Variants in DNAI4 observed in about 807,000 individuals in gnomAD.
DNAI4 encodes the protein dynein axonemal intermediate chain 4.
In DNAI4, 85 loss-of-function variants were observed where a neutral mutation model predicts 105.8. That is an observed-to-expected ratio of 0.80 (90% CI 0.67 to 0.96). The LOEUF is 0.96. Ranked by LOEUF, DNAI4 falls within the 40% of genes least tolerant of loss-of-function variation. The probability of loss-of-function intolerance (pLI) is 0.00; values close to 1 mark genes in which losing one functional copy is unlikely to be tolerated. For missense variants in DNAI4, 1,014 were observed against 1,005.6 expected, an observed-to-expected ratio of 1.01 and a Z score of -0.11; for synonymous variants, 352 against 331.5, an observed-to-expected ratio of 1.06 and a Z score of -0.67.
chr1:66,820,671 G>T (rs1290044733), intron 16 of DNAI4, among the ~76,000 whole-genome samples: 1 of 152,122 alleles, frequency 6.6e-6, no homozygotes, highest in Non-Finnish European at 1.5e-5. Flanking sequence ...GAATGTGAAA[G>T]ATAGTAGAGG....
rs1466939429 is a variant in DNAI4 at position 66,892,961 on chromosome 1, G to GAAAGAA, written c.530+262_530+267dup. On this transcript the variant is annotated intron_variant, in intron 3 of 16. Coordinates refer to ENST00000371026, the MANE Select transcript of DNAI4 (RefSeq NM_024763.5). ...AAAGAGAAGAAAGAGAAGAAAGAAA[G>GAAAGAA]AAAGAAAGAAAGAAAGAAAGAAAGA... Among the ~76,000 whole-genome samples, 178 of 116,920 alleles carry GAAAGAA rather than the reference G, an allele frequency of 1.5e-3. 7 individuals are homozygous for GAAAGAA. Among genetic ancestry groups the GAAAGAA allele is most frequent in the African/African-American group, 6.7e-3 (174 of 26,032 alleles). The allele number at this position is 116,920 out of a possible 152,430, so 76.7% of individuals were successfully genotyped here. A position where few individuals can be genotyped will look rare whatever the true frequency, so the allele number is the denominator to read the frequency against.
intron 3 of DNAI4, 146 bp downstream of exon 3, chr1:66,893,083 A>AAG: frequency 5.1e-6 from 2 of 392,196 alleles, no homozygotes; most frequent in East Asian, 3.7e-5. Flanking sequence ...GAAAGAAAGA[A>AAG]AGAAAGAAAG....
intron 7 of DNAI4, 104 bp from the exon 8 acceptor site, chr1:66,847,782 C>T (rs1301104373): frequency 3.1e-6 from 3 of 971,240 alleles, no homozygotes; most frequent in Non-Finnish European, 4.5e-6. Context: ...TTATTTTCCT[C>T]CAGTTTCCAA....
At chr1:66,857,459 C>T (rs1646526273) in intron 7 of DNAI4, among the ~76,000 whole-genome samples, 1 of 150,624 alleles carries the variant, frequency 6.6e-6, no homozygotes, top group African/African-American at 2.4e-5. Flanking sequence ...ACGTTGTGCA[C>T]ATGTGCCCTA....
intron 2 of DNAI4, among the ~76,000 whole-genome samples, chr1:66,895,555 T>C (rs1298929043): frequency 6.6e-6 from 1 of 152,214 alleles, no homozygotes; most frequent in African/African-American, 2.4e-5. Flanking sequence ...TTCAACGTTT[T>C]CTTTCTTCCT....
chr1:66,846,228 T>C (rs1416394629), intron 8 of DNAI4, among the ~76,000 whole-genome samples: 5 of 152,144 alleles, frequency 3.3e-5, no homozygotes, highest in African/African-American at 1.2e-4. Context: ...ATAAAAATCT[T>C]TAAATATCAA....
At chr1:66,824,308 T>C (rs1645701637) in intron 15 of DNAI4, among the ~76,000 whole-genome samples, 1 of 149,138 alleles carries the variant, frequency 6.7e-6, no homozygotes, top group South Asian at 2.2e-4. Flanking sequence ...TTTTGGTTAC[T>C]GTAGCCTTGT....
intron 10 of DNAI4, among the ~76,000 whole-genome samples, chr1:66,836,211 AGAGAGAGAGAG>A (rs1645997420): frequency 1.2e-4 from 8 of 67,968 alleles, no homozygotes; most frequent in South Asian, 6.4e-4. Flanking sequence ...AAAGAAAGAG[AGAGAGAGAGAG>A]AGAGAGAGAG....
At chr1:66,817,064 T>G (rs1572576315) in intron 16 of DNAI4, among the ~76,000 whole-genome samples, 1 of 152,174 alleles carries the variant, frequency 6.6e-6, no homozygotes, top group East Asian at 1.9e-4. Context: ...TATTCAAAAT[T>G]TGTCATATTA....
intron 3 of DNAI4, 148 bp downstream of exon 3, chr1:66,893,081 G>A (rs961036376): frequency 1.3e-4 from 50 of 384,110 alleles, no homozygotes; most frequent in African/African-American, 1.0e-3. Flanking sequence ...AAGAAAGAAA[G>A]AAAGAAAGAA....
At chr1:66,826,461 G>C (rs1433929298) in intron 15 of DNAI4, among the ~76,000 whole-genome samples, 1 of 152,014 alleles carries the variant, frequency 6.6e-6, no homozygotes, top group Non-Finnish European at 1.5e-5. Flanking sequence ...ACCACACCTG[G>C]CTAGTTTTTG....
intron 1 of DNAI4, among the ~76,000 whole-genome samples, chr1:66,914,878 A>T (rs537418441): frequency 1.3e-5 from 2 of 152,354 alleles, no homozygotes; most frequent in African/African-American, 2.4e-5. Flanking sequence ...AGGTACTAAA[A>T]AGGAAAAGAC....
At chr1:66,853,437 C>T (rs1646437841) in intron 7 of DNAI4, among the ~76,000 whole-genome samples, 1 of 152,176 alleles carries the variant, frequency 6.6e-6, no homozygotes, top group Non-Finnish European at 1.5e-5. Flanking sequence ...GGCTCTATGG[C>T]ACACAACCAC....
intron 15 of DNAI4, among the ~76,000 whole-genome samples, chr1:66,824,788 A>G (rs1025907368): frequency 6.6e-6 from 1 of 152,248 alleles, no homozygotes; most frequent in Non-Finnish European, 1.5e-5. Context: ...GAAGTTGCTT[A>G]TCAGCTTAAG....
In DNAI4 at chr1:66,813,464, A is replaced by T. The variant is rs1292335566; in HGVS notation, c.*666T>A. On this transcript the variant is annotated 3_prime_UTR_variant, in exon 17 of 17. Coordinates refer to ENST00000371026, the MANE Select transcript of DNAI4 (RefSeq NM_024763.5). ...ACTGAAGTCTGGGCTTAAAATCCAG[A>T]GCTGATTCTGGGCAAACAGAGAAGA... 6.6e-6 allele frequency: 1 copy of T among 152,332 alleles called. No individual in the cohort carries two copies. The highest frequency in any genetic ancestry group is 1.5e-5 in the Non-Finnish European group (1 of 68,048). The allele number at this position is 152,332 out of a possible 1,614,324, so 9.4% of individuals were successfully genotyped here.
Position 66,813,963 on chromosome 1 carries a change from A to G in DNAI4, c.*167T>C. ...AAGAATAACTCTTAGATTGTAAACT[A>G]ATCAAATATCTCTGAAATAAAAGTT... On this transcript the variant is annotated 3_prime_UTR_variant, in exon 17 of 17. Coordinates refer to ENST00000371026, the MANE Select transcript of DNAI4 (RefSeq NM_024763.5). 1.8e-6 allele frequency: 1 copy of G among 551,438 alleles called. No individual in the cohort carries two copies. Among genetic ancestry groups the G allele is most frequent in the South Asian group, 2.9e-5 (1 of 34,296 alleles). 34.2% of individuals were successfully genotyped at this position (551,438 alleles called of 1,614,324 possible). A position where few individuals can be genotyped will look rare whatever the true frequency, so the allele number is the denominator to read the frequency against.
intron 2 of DNAI4, among the ~76,000 whole-genome samples, chr1:66,904,072 T>C (rs569798031): frequency 3.9e-4 from 59 of 151,932 alleles, no homozygotes; most frequent in Admixed American, 6.6e-4. Flanking sequence ...TATATATGTG[T>C]ATATACACAC....
chr1:66,914,974 T>C (rs1278090153), intron 1 of DNAI4, among the ~76,000 whole-genome samples: 1 of 152,234 alleles, frequency 6.6e-6, no homozygotes, highest in Non-Finnish European at 1.5e-5. Flanking sequence ...AAAGTAACAT[T>C]AGAAATGTCC....
intron 3 of DNAI4, among the ~76,000 whole-genome samples, chr1:66,892,686 A>C (rs140371903): frequency 2.6e-4 from 39 of 152,094 alleles, no homozygotes; most frequent in Non-Finnish European, 4.4e-4. Flanking sequence ...CAGGTGGATC[A>C]CCTGAGGTCA....
Sources: allele counts gnomAD v4.1 joint callset (sites outside exome capture counted in the v4.1 genomes callset), GRCh38; gene constraint gnomAD v4.1.1; transcripts MANE v1.5; gene names NCBI Gene and HGNC (gene_info 2026-07-23, HGNC 2026-07-21).